The following DNAH5 variants were observed in gnomAD, a reference collection of about 807,000 sequenced individuals.
DNAH5 encodes axonemal beta dynein heavy chain 5.
DNAH5 carries 372 observed loss-of-function variants against 518.2 expected under a neutral mutation model. The ratio of observed to expected loss-of-function variants is 0.72; its 90% confidence interval spans 0.66 to 0.78. The LOEUF (loss-of-function observed/expected upper bound fraction) is 0.78, where lower values mean the gene tolerates loss of function less well. Among genes scored for constraint, DNAH5 ranks in the 30% least tolerant of loss-of-function variants. The probability of loss-of-function intolerance (pLI) is 0.00; values close to 1 mark genes in which losing one functional copy is unlikely to be tolerated. For synonymous variants in DNAH5, 2,039 were observed against 2,025.9 expected (o/e 1.01, Z -0.17); for missense variants, 5,523 against 5,687.0 (o/e 0.97, Z 0.93).
intron 76 of DNAH5, among the ~76,000 whole-genome samples, chr5:13,704,265 G>C (rs1742500189): frequency 6.6e-6 from 1 of 152,120 alleles, no homozygotes; most frequent in Non-Finnish European, 1.5e-5. Context: ...GGGGGTAGCA[G>C]GGGGAAAGGG....
At chr5:13,818,026 A>G (rs1393585458) in intron 41 of DNAH5, among the ~76,000 whole-genome samples, 1 of 152,212 alleles carries the variant, frequency 6.6e-6, no homozygotes, top group Non-Finnish European at 1.5e-5. Flanking sequence ...TTTAAGCTAC[A>G]CTAGATTAAA....
In DNAH5 at chr5:13,761,597, A is replaced by AAG. The variant is rs756846862; in HGVS notation, c.10281+1124_10281+1125insCT. Reference sequence around the variant, plus strand: ...GACAGAGAAAGACTCCGTCTCAAAAAAAAAAAAAAGACACTATGCATGGTT... The same window carrying AAG: ...GACAGAGAAAGACTCCGTCTCAAAAAAGAAAAAAAAAGACACTATGCATGGTT... On this transcript the variant is annotated intron_variant, in intron 60 of 78. Transcript: ENST00000265104. Among the ~76,000 whole-genome samples, 191 of 151,912 alleles carry AAG rather than the reference A, an allele frequency of 1.3e-3. 1 individual carries two copies. Among genetic ancestry groups the AAG allele is most frequent in the South Asian group, 6.9e-3 (33 of 4,780 alleles).
rs16902906 is a variant in DNAH5, at chr5:13,894,871, T to A, written c.2260-50A>T. The A allele has an allele frequency of 3.0e-3, 4,788 of 1,578,896 alleles. 131 individuals carry two copies. In the African/African-American group the frequency reaches 0.052, roughly 17 times the overall value. ...ATCAATTAATATCTCACTTCTAATG[T>A]CTGTTAATATCTCATGTCTTATACA... On this transcript the variant is annotated intron_variant, in intron 15 of 78. Transcript: ENST00000265104.
intron 17 of DNAH5, among the ~76,000 whole-genome samples, chr5:13,889,104 A>C (rs1017072632): frequency 2.0e-5 from 3 of 152,190 alleles, no homozygotes; most frequent in African/African-American, 7.2e-5. Context: ...AAAAGCTTAA[A>C]ATGCATTAAT....
At chr5:13,728,114 A>G (rs550409185) in intron 69 of DNAH5, among the ~76,000 whole-genome samples, 2 of 152,330 alleles carry the variant, frequency 1.3e-5, no homozygotes, top group East Asian at 1.9e-4. Context: ...TTGAATGAAC[A>G]GCTTTTTGAT....
At position 13,988,664 on chromosome 5, in the gene DNAH5, T is replaced by A. The variant is rs186060224; in HGVS notation, c.12+22984A>T. Among the ~76,000 whole-genome samples, 651 of 150,510 alleles carry A rather than the reference T, an allele frequency of 4.3e-3. 2 individuals carry two copies. Among genetic ancestry groups the A allele is most frequent in the African/African-American group, 0.016 (641 of 41,012 alleles). On this transcript the variant is annotated intron_variant, in intron 1 of 78. Transcript: ENST00000681290. Reference sequence around the variant, plus strand: ...AACTCCTGACCTCAAGTGATCCACCTGCCTCGCTCAGCCTCCCAAAGTGCT... The same window carrying A: ...AACTCCTGACCTCAAGTGATCCACCAGCCTCGCTCAGCCTCCCAAAGTGCT...
At chr5:13,994,278 C>T (rs1783772412) in intron 1 of DNAH5, among the ~76,000 whole-genome samples, 1 of 152,150 alleles carries the variant, frequency 6.6e-6, no homozygotes, top group African/African-American at 2.4e-5. Context: ...AACCAGAGTT[C>T]CCCGAGCCCC....
chr5:13,978,584 G>A (rs944278824), intron 1 of DNAH5, among the ~76,000 whole-genome samples: 6 of 152,218 alleles, frequency 3.9e-5, no homozygotes, highest in African/African-American at 1.4e-4. Flanking sequence ...AGTGTCCCAT[G>A]AGATTATAAT....
At chr5:13,816,880 C>A (rs982794041) in intron 42 of DNAH5, among the ~76,000 whole-genome samples, 8 of 152,196 alleles carry the variant, frequency 5.3e-5, no homozygotes, top group Non-Finnish European at 7.3e-5. Context: ...CAATTGTATT[C>A]ACTCTGCCTT....
Position 13,714,557 on chromosome 5 carries a change from G to A in DNAH5, c.12973C>T (p.Gln4325Ter), listed in dbSNP as rs1273109738. 6.2e-7 allele frequency: 1 copy of A among 1,614,150 alleles called. No individual in the cohort carries two copies. Among genetic ancestry groups the A allele is most frequent in the Non-Finnish European group, 8.5e-7 (1 of 1,180,018 alleles). ...AGCACGTCCTTGGCCAGCTTGCTCT[G>A]GTAGGTGATGTCAGCATTGGGGTGC... ...GLHPNADITY[Q>*]SKLAKDVLDT... The change falls in exon 75 of 79, where the codon CAG becomes TAG. Residue 4325 changes from glutamine (Q) to a stop codon, truncating the protein, a stop_gained. Coordinates refer to ENST00000265104, the MANE Select transcript of DNAH5 (RefSeq NM_001369.3). LOFTEE classifies it high-confidence loss of function.
chr5:13,807,199 T>G (rs901982047), intron 47 of DNAH5, among the ~76,000 whole-genome samples: 2 of 152,152 alleles, frequency 1.3e-5, no homozygotes, highest in Non-Finnish European at 2.9e-5. Flanking sequence ...CATTAAAGAT[T>G]ATTACAAAGT....
chr5:13,716,589 C>T lies in DNAH5; in HGVS notation c.12807G>A (p.Lys4269=). Residue 4269 remains lysine (K), a synonymous_variant, in exon 74 of 79, where the codon AAG becomes AAA. Coordinates refer to ENST00000265104, the MANE Select transcript of DNAH5 (RefSeq NM_001369.3). The part of the protein sequence containing the change: ...YDKRLLNTFA[K]VWFSENMFGP... ...CAAACATATTTTCACTGAACCAAAC[C>T]TTAGCAAATGTGTTCAACAATCTCT... 1 of 1,613,798 alleles carries T rather than the reference C, an allele frequency of 6.2e-7. No homozygotes were observed. Among genetic ancestry groups the T allele is most frequent in the East Asian group, 2.2e-5 (1 of 44,850 alleles).
chr5:13,720,752 C>A (rs548648424), intron 71 of DNAH5, among the ~76,000 whole-genome samples: 1 of 152,196 alleles, frequency 6.6e-6, no homozygotes, highest in Admixed American at 6.5e-5. Context: ...CCATTCTCTG[C>A]ATTAAATGTT....
intron 1 of DNAH5, among the ~76,000 whole-genome samples, chr5:13,939,101 C>G (rs1287184213): frequency 6.6e-6 from 1 of 152,158 alleles, no homozygotes; most frequent in African/African-American, 2.4e-5. Context: ...ATCATTCCTA[C>G]AGGAGTACCA....
chr5:13,835,325 TAGAG>T (rs1764227837), intron 35 of DNAH5, among the ~76,000 whole-genome samples: 2 of 151,708 alleles, frequency 1.3e-5, no homozygotes, highest in Non-Finnish European at 2.9e-5. Flanking sequence ...TGTAGGCAGA[TAGAG>T]AGGGTAAAAG....
rs747568741 is a variant in DNAH5, at chr5:13,717,439, G to A, written c.12581C>T (p.Thr4194Ile). The change falls in exon 73 of 79, where the codon ACT becomes ATT. Residue 4194 changes from threonine (T) to isoleucine (I), a missense_variant. This residue lies in a region of DNAH5 where 5,121 missense variants were observed against 5,223.3 expected (regional missense o/e 0.98). Transcript: ENST00000265104. ...ACCGAACTTGCGCCTCTCCTGGACA[G>A]TGGAGTGCAGGAAAGCCACTGCGTA... is the stretch of plus-strand genomic sequence containing the variant. ...MLYAVAFLHS[T>I]VQERRKFGAL... is the part of the protein sequence containing the mutation. The A allele has an allele frequency of 6.2e-7, 1 of 1,614,196 alleles. No individual in the cohort carries two copies. The highest frequency in any genetic ancestry group is 8.5e-7 in the Non-Finnish European group (1 of 1,180,028).
intron 1 of DNAH5, among the ~76,000 whole-genome samples, chr5:13,983,053 C>G (rs528417052): frequency 6.6e-6 from 1 of 152,232 alleles, no homozygotes; most frequent in African/African-American, 2.4e-5. Context: ...GATTGTCAAG[C>G]CTGCTGCAAA....
Position 13,788,894 on chromosome 5 carries a change from C to A in DNAH5, c.8469G>T (p.Lys2823Asn). ...KEPNDLLKLW[K>N]HECKRVIADR... ...CAGCTATAACACGTTTACACTCATG[C>A]TTCCACAGCTTTAACAGATCCTGTT... The change falls in exon 51 of 79, where the codon AAG becomes AAT. Residue 2823 changes from lysine (K) to asparagine (N), a missense_variant. Lys to Asn is a moderately conservative substitution (Grantham distance 94). Around this residue, in one of 3 missense-constraint regions of DNAH5, gnomAD observed 5,121 missense variants for 5,223.3 expected, o/e 0.98. Coordinates refer to ENST00000265104, the MANE Select transcript of DNAH5 (RefSeq NM_001369.3). 6.2e-7 allele frequency: 1 copy of A among 1,614,090 alleles called. No homozygotes were observed. The highest frequency in any genetic ancestry group is 1.1e-5 in the South Asian group (1 of 91,078).
upstream of DNAH5, among the ~76,000 whole-genome samples, chr5:13,945,070 C>T (rs1779802806): frequency 6.6e-6 from 1 of 152,226 alleles, no homozygotes; most frequent in Admixed American, 6.5e-5. Context: ...CCACAAAGAA[C>T]AAGAAGTCTG....
Sources: gnomAD v4.1 joint callset for allele counts (sites outside exome capture counted in the v4.1 genomes callset) on GRCh38, gnomAD v4.1.1 for gene constraint, gnomAD v4.1.1 regional missense constraint, MANE v1.5 for transcripts, NCBI Gene and HGNC (gene_info 2026-07-23, HGNC 2026-07-21) for gene names.